MACROD2: variants seen among roughly 807,000 people sequenced by gnomAD.
The protein encoded by MACROD2 is mono-ADP ribosylhydrolase 2, also known as ADP-ribose glycohydrolase MACROD2.
A neutral mutation model predicts 70.4 loss-of-function variants in MACROD2; 36 were observed. That is an observed-to-expected ratio of 0.51 (90% confidence interval 0.39 to 0.68). MACROD2 has a LOEUF of 0.68. Among genes scored for constraint, MACROD2 ranks in the 30% least tolerant of loss-of-function variants. The pLI, the probability that MACROD2 is intolerant of heterozygous loss-of-function variation, is 0.00. For synonymous variants in MACROD2, 172 were observed against 178.8 expected (o/e 0.96, Z 0.30); for missense variants, 496 against 538.4 (o/e 0.92, Z 0.78).
chr20:14,568,847 C>T (rs919943122), intron 4 of MACROD2, among the ~76,000 whole-genome samples: 1 of 151,956 alleles, frequency 6.6e-6, no homozygotes, highest in Non-Finnish European at 1.5e-5. Flanking sequence ...GTCATTTCAA[C>T]TTCTGCCTGA....
chr20:15,131,699 G>A (rs938519002), intron 5 of MACROD2, among the ~76,000 whole-genome samples: 1 of 152,024 alleles, frequency 6.6e-6, no homozygotes. Flanking sequence ...CTAGAAGGCT[G>A]TGTAGAATAG....
chr20:14,628,964 C>T (rs1984351841), intron 4 of MACROD2: 1 of 152,112 alleles, frequency 6.6e-6, no homozygotes, highest in Non-Finnish European at 1.5e-5. Flanking sequence ...TCTATGTTCC[C>T]ATTTAGTTCT....
chr20:16,044,706 T>A, intron 17 of MACROD2, 67 bp downstream of exon 17: 1 of 1,432,920 alleles, frequency 7.0e-7, no homozygotes, highest in Non-Finnish European at 9.8e-7. Flanking sequence ...GCAAATGACA[T>A]ACTGGATTTC....
chr20:15,366,251 T>C (rs1713735472), intron 6 of MACROD2, among the ~76,000 whole-genome samples: 1 of 152,144 alleles, frequency 6.6e-6, no homozygotes, highest in East Asian at 1.9e-4. Context: ...TCCAATCTCC[T>C]TTTTTTCAGT....
At chr20:14,929,900 G>A (rs1050314618) in intron 5 of MACROD2, among the ~76,000 whole-genome samples, 3 of 152,076 alleles carry the variant, frequency 2.0e-5, no homozygotes, top group South Asian at 4.2e-4. Context: ...GGTATCTCAC[G>A]CCTGTAATCC....
intron 3 of MACROD2, among the ~76,000 whole-genome samples, chr20:14,425,130 T>G (rs775749232): frequency 2.0e-5 from 3 of 152,230 alleles, no homozygotes; most frequent in Non-Finnish European, 4.4e-5. Context: ...CTCTTTTTCA[T>G]TTACTCTTTG....
At chr20:15,562,139 T>A (rs1485544728) in intron 8 of MACROD2, among the ~76,000 whole-genome samples, 1 of 152,148 alleles carries the variant, frequency 6.6e-6, no homozygotes, top group African/African-American at 2.4e-5. Flanking sequence ...CATATTTCCA[T>A]ACTTATTTCT....
At chr20:15,514,345 G>A (rs925529966) in intron 8 of MACROD2, among the ~76,000 whole-genome samples, 8 of 152,124 alleles carry the variant, frequency 5.3e-5, no homozygotes, top group South Asian at 2.1e-4. Flanking sequence ...GGTGGATGCC[G>A]TATGTAGGTG....
At chr20:14,485,701 C>CAAAAA (rs1276490399) in intron 3 of MACROD2, among the ~76,000 whole-genome samples, 7 of 61,842 alleles carry the variant, frequency 1.1e-4, no homozygotes, top group African/African-American at 2.3e-4. Context: ...GACTCCGTCT[C>CAAAAA]AAAAAAAAAA....
chr20:14,998,669 G>T (rs1235194784), intron 5 of MACROD2, among the ~76,000 whole-genome samples: 2 of 152,150 alleles, frequency 1.3e-5, no homozygotes, highest in Non-Finnish European at 2.9e-5. Flanking sequence ...AGAGTTATTG[G>T]CCTTAAAGAA....
chr20:14,382,565 G>C (rs1450424890), intron 3 of MACROD2, among the ~76,000 whole-genome samples: 1 of 151,988 alleles, frequency 6.6e-6, no homozygotes, highest in East Asian at 2.0e-4. Context: ...CGACTCCGGA[G>C]GCTGAGGCAG....
intron 8 of MACROD2, among the ~76,000 whole-genome samples, chr20:15,610,471 T>A (rs1227530325): frequency 6.6e-6 from 1 of 152,166 alleles, no homozygotes; most frequent in Non-Finnish European, 1.5e-5. Context: ...CGCCTTAGAC[T>A]TCACATGGCC....
intron 10 of MACROD2, among the ~76,000 whole-genome samples, chr20:15,911,315 A>C (rs940558968): frequency 1.3e-5 from 2 of 152,242 alleles, no homozygotes; most frequent in Non-Finnish European, 2.9e-5. Flanking sequence ...TATGCCTTCT[A>C]TTCTAGTTCG....
chr20:14,364,207 T>G (rs898554038), intron 3 of MACROD2, among the ~76,000 whole-genome samples: 2 of 152,204 alleles, frequency 1.3e-5, no homozygotes, highest in African/African-American at 4.8e-5. Context: ...GGGACCACCT[T>G]AATCCAAACA....
At chr20:14,836,731 TAATAGGA>T (rs1368290312) in intron 5 of MACROD2, among the ~76,000 whole-genome samples, 2 of 152,098 alleles carry the variant, frequency 1.3e-5, no homozygotes, top group Admixed American at 6.6e-5. Flanking sequence ...AGAGGCTTGT[TAATAGGA>T]AATCAGACTT....
chr20:14,236,543 A>T (rs2081873605), intron 3 of MACROD2, among the ~76,000 whole-genome samples: 1 of 152,148 alleles, frequency 6.6e-6, no homozygotes, highest in South Asian at 2.1e-4. Flanking sequence ...AAAATGAAAG[A>T]ATCAAATTAA....
chr20:15,170,950 C>A (rs1436510166), intron 5 of MACROD2, among the ~76,000 whole-genome samples: 3 of 152,082 alleles, frequency 2.0e-5, no homozygotes, highest in Non-Finnish European at 4.4e-5. Flanking sequence ...AGGCAGTTAG[C>A]CTGGGTGGAA....
chr20:15,140,573 A>G (rs1346763502), intron 5 of MACROD2, among the ~76,000 whole-genome samples: 1 of 152,106 alleles, frequency 6.6e-6, no homozygotes, highest in Non-Finnish European at 1.5e-5. Context: ...CTTATTATTC[A>G]ATAAATTTAA....
chr20:14,372,381 C>A (rs892895237), intron 3 of MACROD2, among the ~76,000 whole-genome samples: 1 of 151,644 alleles, frequency 6.6e-6, no homozygotes, highest in Non-Finnish European at 1.5e-5. Flanking sequence ...AAGACTGTTT[C>A]AGACCAGTAA....
Sources: gnomAD v4.1 joint callset for allele counts (sites outside exome capture counted in the v4.1 genomes callset) on GRCh38, gnomAD v4.1.1 for gene constraint, MANE v1.5 for transcripts, NCBI Gene and HGNC (gene_info 2026-07-23, HGNC 2026-07-21) for gene names.